The following SLC17A4 variants were observed in gnomAD, a reference collection of about 807,000 sequenced individuals.
The protein encoded by SLC17A4 is solute carrier family 17 member 4.
Under a neutral mutation model 52.5 loss-of-function variants are expected in SLC17A4, and 33 were observed. The observed-to-expected ratio is 0.63, with a 90% confidence interval of 0.48 to 0.84. The LOEUF (loss-of-function observed/expected upper bound fraction) is 0.84. Ranked by LOEUF, SLC17A4 falls within the 40% of genes least tolerant of loss-of-function variation. The probability of loss-of-function intolerance (pLI) is 0.00; values close to 1 mark genes in which losing one functional copy is unlikely to be tolerated. For missense variants in SLC17A4, 585 were observed against 597.1 expected (o/e 0.98, Z 0.21); for synonymous variants, 225 against 216.2 (o/e 1.04, Z -0.36).
At position 25,769,206 on chromosome 6, in the gene SLC17A4, C is replaced by G; in HGVS notation, c.297+16C>G. 6.3e-7 allele frequency: 1 copy of G among 1,597,444 alleles called. No homozygotes were observed. Among genetic ancestry groups the G allele is most frequent in the Non-Finnish European group, 8.6e-7 (1 of 1,166,230 alleles). On this transcript the variant is annotated intron_variant, in intron 3 of 11. Transcript: ENST00000377905. ...TAAAGCAATGGTAAGTTTAATGAGA[C>G]TCTGGACTCTTTCTTTGACTCAAAT...
At chr6:25,770,043 A>T (rs1442276704) in intron 3 of SLC17A4, 24 bp from the exon 4 acceptor site, 14 of 1,603,598 alleles carry the variant, frequency 8.7e-6, no homozygotes, top group Middle Eastern at 1.7e-4. Flanking sequence ...CTAAAGACAA[A>T]CAGTAACTCT....
intron 2 of SLC17A4, among the ~76,000 whole-genome samples, chr6:25,767,224 C>A (rs1427936020): frequency 1.3e-5 from 2 of 152,038 alleles, no homozygotes; most frequent in Non-Finnish European, 2.9e-5. Flanking sequence ...TACATATGTA[C>A]ATAAACAACA....
Position 25,770,399 on chromosome 6 carries a change from G to C in SLC17A4, c.547G>C (p.Gly183Arg), listed in dbSNP as rs767134718. The C allele has an allele frequency of 6.2e-6, 10 of 1,613,972 alleles. No homozygotes were observed. Among genetic ancestry groups the C allele is most frequent in the Middle Eastern group, 1.6e-4 (1 of 6,080 alleles). Residue 183 changes from glycine (G) to arginine (R), a missense_variant, in exon 5 of 12, where the codon GGT becomes CGT. Coordinates refer to ENST00000377905, the MANE Select transcript of SLC17A4 (RefSeq NM_005495.3). Reference protein sequence around the residue: ...QGIAQVMVLTGQYSIWVKWAP... With the variant: ...QGIAQVMVLTRQYSIWVKWAP... ...TTCCCCCCAGGTTATGGTATTAACT[G>C]GTCAGTATTCAATTTGGGTCAAATG...
chr6:25,762,497 T>C (rs1248080669), intron 2 of SLC17A4, among the ~76,000 whole-genome samples: 16 of 152,200 alleles, frequency 1.1e-4, no homozygotes, highest in Admixed American at 9.2e-4. Context: ...TATTACAACA[T>C]CATGCTTTTT....
chr6:25,770,088 C>G lies in SLC17A4; in HGVS notation c.319C>G (p.Pro107Ala), dbSNP rs1410042012. ...CTAGGCCCCTGCATATGACTGGAGTCCTGAAATCCAGGGAATCATCCTCAG... is the reference window on the plus strand; with the variant it reads ...CTAGGCCCCTGCATATGACTGGAGTGCTGAAATCCAGGGAATCATCCTCAG... Reference protein sequence around the residue: ...KAMAPAYDWSPEIQGIILSSL... With the variant: ...KAMAPAYDWSAEIQGIILSSL... Residue 107 changes from proline to alanine, a missense_variant, in exon 4 of 12, where the codon CCT becomes GCT. Coordinates refer to ENST00000377905, the MANE Select transcript of SLC17A4 (RefSeq NM_005495.3). 1.9e-6 allele frequency: 3 copies of G among 1,613,868 alleles called. No homozygotes were observed. The highest frequency in any genetic ancestry group is 2.5e-6 in the Non-Finnish European group (3 of 1,179,920).
intron 10 of SLC17A4, chr6:25,777,602 AC>A (rs1763039601): frequency 2.8e-5 from 6 of 210,940 alleles, no homozygotes; most frequent in African/African-American, 1.4e-4. Context: ...AACAACAACA[AC>A]AACAAAAACC....
At position 25,780,986 on chromosome 6, in the gene SLC17A4, C is replaced by T. The variant is rs1414345247; in HGVS notation, c.*1798C>T. On this transcript the variant is annotated 3_prime_UTR_variant, in exon 12 of 12. Coordinates refer to ENST00000377905, the MANE Select transcript of SLC17A4 (RefSeq NM_005495.3). ...TAGACAACAAGAAGGAAAATGGACA[C>T]ATGACTCTGGATTTCTCTTGTGAGA... 4 of 152,206 alleles carry T rather than the reference C, an allele frequency of 2.6e-5. No individual in the cohort carries two copies. Among genetic ancestry groups the T allele is most frequent in the Middle Eastern group, 3.4e-3 (1 of 294 alleles). 9.4% of individuals were successfully genotyped at this position (152,206 alleles called of 1,614,324 possible). A position where few individuals can be genotyped will look rare whatever the true frequency, so the allele number is the denominator to read the frequency against.
chr6:25,770,361 A>G, intron 4 of SLC17A4, 23 bp from the exon 5 acceptor site: 1 of 1,614,022 alleles, frequency 6.2e-7, no homozygotes. Context: ...TCAGATCTCC[A>G]AGAATGGAAT....
Position 25,773,549 on chromosome 6 carries a change from A to G in SLC17A4, c.862A>G (p.Met288Val), listed in dbSNP as rs1762651302. 1.2e-6 allele frequency: 2 copies of G among 1,613,960 alleles called. No homozygotes were observed. The highest frequency in any genetic ancestry group is 1.7e-6 in the Non-Finnish European group (2 of 1,179,892). Residue 288 changes from methionine (M) to valine (V), a missense_variant, in exon 8 of 12, where the codon ATG (methionine) becomes GTG (valine). Physicochemically the swap from Met to Val is conservative, Grantham distance 21. Coordinates refer to ENST00000377905, the MANE Select transcript of SLC17A4 (RefSeq NM_005495.3). Reference protein sequence around the residue: ...SPGWSLPIRAMIKSLPLWAIL... With the variant: ...SPGWSLPIRAVIKSLPLWAIL... The stretch of plus-strand genomic sequence containing the variant: ...AGGCTGGTCTCTTCCCATTAGGGCT[A>G]TGATCAAATCCTTACCACTCTGGGC...
chr6:25,768,329 T>C (rs1762192480), intron 2 of SLC17A4: 9 of 978,820 alleles, frequency 9.2e-6, no homozygotes, highest in Non-Finnish European at 1.1e-5. Flanking sequence ...CTGGGATTTC[T>C]CTACAGGGAT....
intron 6 of SLC17A4, among the ~76,000 whole-genome samples, chr6:25,771,591 A>G (rs564691104): frequency 8.0e-4 from 122 of 151,856 alleles, no homozygotes; most frequent in African/African-American, 2.9e-3. Context: ...AAAAAAAAAG[A>G]AAATGTTATT....
chr6:25,767,991 G>A (rs190457098), intron 2 of SLC17A4, among the ~76,000 whole-genome samples: 53 of 152,198 alleles, frequency 3.5e-4, no homozygotes, highest in African/African-American at 1.2e-3. Flanking sequence ...ATTCCACCTC[G>A]GACTGAGTAA....
At chr6:25,778,594 C>T (rs1434156071) in intron 11 of SLC17A4, among the ~76,000 whole-genome samples, 2 of 152,134 alleles carry the variant, frequency 1.3e-5, no homozygotes, top group Non-Finnish European at 2.9e-5. Flanking sequence ...GAATGAAACA[C>T]AATTCCTTCC....
chr6:25,770,643 C>T (rs1237180066), intron 5 of SLC17A4, among the ~76,000 whole-genome samples, 172 bp downstream of exon 5: 1 of 152,206 alleles, frequency 6.6e-6, no homozygotes, highest in Non-Finnish European at 1.5e-5. Flanking sequence ...TGAATGCTTA[C>T]TATGTGCCAA....
intron 6 of SLC17A4, among the ~76,000 whole-genome samples, chr6:25,771,918 G>T (rs75792923): frequency 0.046 from 6,934 of 152,156 alleles, 481 homozygotes; most frequent in African/African-American, 0.15. Flanking sequence ...TTACCTTCAT[G>T]GAGCTGTGGT....
intron 1 of SLC17A4, among the ~76,000 whole-genome samples, chr6:25,755,058 C>CAA (rs1760892593): frequency 6.7e-6 from 1 of 149,288 alleles, no homozygotes; most frequent in African/African-American, 2.4e-5. Flanking sequence ...TACACACACA[C>CAA]ACACACACAC....
At chr6:25,756,469 T>C (rs1035194725) in intron 1 of SLC17A4, among the ~76,000 whole-genome samples, 3 of 152,206 alleles carry the variant, frequency 2.0e-5, no homozygotes, top group African/African-American at 7.2e-5. Context: ...CTCTTGTTTT[T>C]TTCATACCAT....
rs577658274 is a variant in SLC17A4 at position 25,777,773 on chromosome 6, C to G, written c.1269-153C>G. On this transcript the variant is annotated intron_variant, in intron 10 of 11. Transcript: ENST00000377905. Reference sequence around the variant, plus strand: ...AGGTTTCACCAAGGCTTACACAATTCCAGTCATCTCCAGAGGTAAGCACAG... The same window carrying G: ...AGGTTTCACCAAGGCTTACACAATTGCAGTCATCTCCAGAGGTAAGCACAG... The G allele has an allele frequency of 3.3e-4, 203 of 615,390 alleles. 2 individuals carry two copies. Among genetic ancestry groups the G allele is most frequent in the Non-Finnish European group, 5.2e-4 (178 of 343,216 alleles). 38.1% of individuals were successfully genotyped at this position (615,390 alleles called of 1,614,324 possible). A position where few individuals can be genotyped will look rare whatever the true frequency, so the allele number is the denominator to read the frequency against.
At chr6:25,767,629 T>C (rs1188509433) in intron 2 of SLC17A4, among the ~76,000 whole-genome samples, 1 of 152,200 alleles carries the variant, frequency 6.6e-6, no homozygotes, top group African/African-American at 2.4e-5. Context: ...TAGTTTAATA[T>C]AATTAAAGGA....
Sources: allele counts gnomAD v4.1 joint callset (sites outside exome capture counted in the v4.1 genomes callset), GRCh38; gene constraint gnomAD v4.1.1; transcripts MANE v1.5; gene names NCBI Gene and HGNC (gene_info 2026-07-23, HGNC 2026-07-21).